The following MIER1 variants were observed in gnomAD, a reference collection of about 807,000 sequenced individuals.
The protein encoded by MIER1 is MIER1 transcriptional regulator.
MIER1 carries 40 observed loss-of-function variants against 75.7 expected under a neutral mutation model. The observed-to-expected ratio is 0.53, with a 90% confidence interval of 0.41 to 0.69. MIER1 has a LOEUF of 0.69. MIER1 is among the 30% of genes least tolerant of loss of function. The probability of loss-of-function intolerance (pLI) is 0.00; values close to 1 mark genes in which losing one functional copy is unlikely to be tolerated. For missense variants in MIER1, 574 were observed against 680.2 expected, an observed-to-expected ratio of 0.84 and a Z score of 1.74; for synonymous variants, 213 against 223.4, an observed-to-expected ratio of 0.95 and a Z score of 0.42.
intron 11 of MIER1, among the ~76,000 whole-genome samples, chr1:66,976,368 A>C (rs1272716274): frequency 6.6e-6 from 1 of 152,218 alleles, no homozygotes; most frequent in Non-Finnish European, 1.5e-5. Context: ...TAGCATTTTA[A>C]AAAGCACAGT....
At chr1:66,953,044 G>A (rs1659330308) in intron 4 of MIER1, among the ~76,000 whole-genome samples, 1 of 152,186 alleles carries the variant, frequency 6.6e-6, no homozygotes, top group Non-Finnish European at 1.5e-5. Flanking sequence ...TTAAGTTGCT[G>A]TTGATAAAAC....
chr1:66,943,461 AT>A (rs1396206003), intron 3 of MIER1, among the ~76,000 whole-genome samples: 72 of 152,116 alleles, frequency 4.7e-4, no homozygotes, highest in African/African-American at 1.7e-3. Context: ...AAGGTATCTG[AT>A]TTGGCATGTA....
chr1:66,926,351 G>A, intron 2 of MIER1, 109 bp downstream of exon 2: 1 of 779,082 alleles, frequency 1.3e-6, no homozygotes, highest in Non-Finnish European at 2.1e-6. Context: ...GAACTGATGG[G>A]CCAAAAATTT....
chr1:66,985,134 A>T lies in MIER1; in HGVS notation c.*234A>T. The T allele has an allele frequency of 1.8e-6, 2 of 1,141,572 alleles. No individual in the cohort carries two copies. The highest frequency in any genetic ancestry group is 1.1e-6 in the Non-Finnish European group (1 of 917,864). 70.7% of individuals were successfully genotyped at this position (1,141,572 alleles called of 1,614,324 possible). On this transcript the variant is annotated 3_prime_UTR_variant, in exon 14 of 14. Coordinates refer to ENST00000401041, the MANE Select transcript of MIER1 (RefSeq NM_001077700.3). ...ATTAGTAAATTTGAATGAACTAAAG[A>T]TATATCTCTACCTTCTCATTTGAAT...
chr1:66,926,371 G>C (rs1187147577), intron 2 of MIER1, 129 bp downstream of exon 2: 1 of 652,882 alleles, frequency 1.5e-6, no homozygotes. Context: ...TCCAGAATTT[G>C]GGTGAGATAA....
At chr1:66,969,351 C>T (rs546375477) in intron 8 of MIER1, among the ~76,000 whole-genome samples, 6 of 151,854 alleles carry the variant, frequency 4.0e-5, no homozygotes, top group Admixed American at 3.9e-4. Context: ...CGAGAACCAT[C>T]CTGGCTAACA....
chr1:66,968,695 C>T (rs1271773209), intron 8 of MIER1, among the ~76,000 whole-genome samples: 3 of 152,260 alleles, frequency 2.0e-5, no homozygotes, highest in East Asian at 1.9e-4. Flanking sequence ...AATAACATTC[C>T]AGGCATGCTC....
chr1:66,985,959 A>C lies in MIER1; in HGVS notation c.*1059A>C. On this transcript the variant is annotated 3_prime_UTR_variant, in exon 14 of 14. Transcript: ENST00000401041. ...ATTTTTGAAGCAAGACAAAAGTTTA[A>C]TGTCAGCTTAAGTGCTTAAATATAT... The C allele has an allele frequency of 1.0e-6, 1 of 985,120 alleles. No homozygotes were observed. 61.0% of individuals were successfully genotyped at this position (985,120 alleles called of 1,614,324 possible).
intron 8 of MIER1, among the ~76,000 whole-genome samples, chr1:66,966,555 A>T (rs1307291826): frequency 1.3e-5 from 2 of 152,226 alleles, no homozygotes; most frequent in East Asian, 3.8e-4. Context: ...ATGCCCAATA[A>T]TGGGATGGCT....
At chr1:66,940,943 CTG>C (rs1307166629) in intron 3 of MIER1, among the ~76,000 whole-genome samples, 2 of 152,184 alleles carry the variant, frequency 1.3e-5, no homozygotes, top group Non-Finnish European at 2.9e-5. Context: ...AGTGAACCCT[CTG>C]AGGCATAGTA....
intron 13 of MIER1, among the ~76,000 whole-genome samples, chr1:66,983,814 GCCTC>G (rs2102119670): frequency 6.6e-6 from 1 of 152,200 alleles, no homozygotes; most frequent in South Asian, 2.1e-4. Flanking sequence ...TGCAACCTCC[GCCTC>G]CTGGGTTCAA....
chr1:66,971,545 T>C (rs745950341), intron 9 of MIER1, 110 bp from the exon 10 acceptor site: 46 of 614,020 alleles, frequency 7.5e-5, no homozygotes, highest in Middle Eastern at 2.6e-4. Flanking sequence ...ACTAAAGTTA[T>C]TTGCCCTCAA....
intron 2 of MIER1, among the ~76,000 whole-genome samples, chr1:66,934,478 C>T (rs143036720): frequency 6.8e-6 from 1 of 147,690 alleles, no homozygotes; most frequent in African/African-American, 2.5e-5. Flanking sequence ...AATCATAGCT[C>T]ACTACAACCT....
chr1:66,968,402 A>T (rs755659177), intron 8 of MIER1, among the ~76,000 whole-genome samples: 5 of 152,162 alleles, frequency 3.3e-5, no homozygotes, highest in Non-Finnish European at 7.4e-5. Flanking sequence ...AACATTTCAC[A>T]GGATATTTTT....
At position 66,986,281 on chromosome 1, in the gene MIER1, A is replaced by G; in HGVS notation, c.*1381A>G. On this transcript the variant is annotated 3_prime_UTR_variant, in exon 14 of 14. Transcript: ENST00000401041. ...GGATTATCCATCTGCATAGCCTTGT[A>G]AAAGTGCCATTTTATTTTTAGTGCT... 1 of 1,455,042 alleles carries G rather than the reference A, an allele frequency of 6.9e-7. No individual in the cohort carries two copies. 90.1% of individuals were successfully genotyped at this position (1,455,042 alleles called of 1,614,324 possible). A position where few individuals can be genotyped will look rare whatever the true frequency, so the allele number is the denominator to read the frequency against.
chr1:66,930,431 GGAGCCGGGCGCCCCCGGCCCT>G (rs774954702), intron 2 of MIER1: 25 of 1,602,562 alleles, frequency 1.6e-5, no homozygotes, highest in East Asian at 2.3e-5. Flanking sequence ...TCCCTGTCCC[GGAGCCGGGCGCCCCCGGCCCT>G]GGGCCGGGGA....
intron 4 of MIER1, chr1:66,946,636 T>G (rs964456099): frequency 1.0e-6 from 1 of 1,000,768 alleles, no homozygotes; most frequent in African/African-American, 1.7e-5. Flanking sequence ...CTTTTACTTA[T>G]TCTCCTTCAG....
intron 4 of MIER1, among the ~76,000 whole-genome samples, chr1:66,957,026 T>A (rs1335912011): frequency 6.6e-6 from 1 of 152,168 alleles, no homozygotes; most frequent in Non-Finnish European, 1.5e-5. Context: ...TGATTACCCT[T>A]TTTTTTCTAG....
intron 2 of MIER1, 84 bp downstream of exon 2, chr1:66,926,326 T>A: frequency 9.1e-7 from 1 of 1,103,294 alleles, no homozygotes; most frequent in Non-Finnish European, 1.4e-6. Context: ...TCTTCTTATA[T>A]GTTCCAGTGT....
Sources: gnomAD v4.1 joint callset for allele counts (sites outside exome capture counted in the v4.1 genomes callset) on GRCh38, gnomAD v4.1.1 for gene constraint, MANE v1.5 for transcripts, NCBI Gene and HGNC (gene_info 2026-07-23, HGNC 2026-07-21) for gene names.